BCL2L1: variants seen among roughly 807,000 people sequenced by gnomAD.
BCL2L1 encodes the protein BCL2 like 1.
BCL2L1 carries 1 observed loss-of-function variant against 18.7 expected under a neutral mutation model. The ratio of observed to expected loss-of-function variants is 0.05; its 90% CI spans 0.02 to 0.25. BCL2L1 has a LOEUF of 0.25. BCL2L1 is among the 10% of genes least tolerant of loss of function. The probability of loss-of-function intolerance (pLI) is 1.00; values close to 1 mark genes in which losing one functional copy is unlikely to be tolerated. For missense variants in BCL2L1, 207 were observed against 304.9 expected (o/e 0.68, Z 2.39); for synonymous variants, 103 against 122.7 (o/e 0.84, Z 1.06).
chr20:31,666,099 A>G lies in BCL2L1; in HGVS notation c.565-13T>C. ...CCACAAAAGTATCCTGCAGGGAGAGAGAAGGAAGGTGCAGTTTTAGTCCTC... is the reference window on the plus strand; with the variant it reads ...CCACAAAAGTATCCTGCAGGGAGAGGGAAGGAAGGTGCAGTTTTAGTCCTC... On this transcript the variant is annotated splice_polypyrimidine_tract_variant and intron_variant, in intron 2 of 2. Transcript: ENST00000307677. The G allele has an allele frequency of 6.2e-7, 1 of 1,613,748 alleles. No homozygotes were observed. Among genetic ancestry groups the G allele is most frequent in the Non-Finnish European group, 8.5e-7 (1 of 1,179,830 alleles).
intron 2 of BCL2L1, among the ~76,000 whole-genome samples, chr20:31,683,230 G>A (rs772464875): frequency 2.0e-5 from 3 of 152,128 alleles, no homozygotes; most frequent in Non-Finnish European, 2.9e-5. Context: ...GATCTCCCGT[G>A]CTCTTCCTCA....
intron 2 of BCL2L1, among the ~76,000 whole-genome samples, chr20:31,677,672 A>G (rs2060786004): frequency 6.6e-6 from 1 of 152,104 alleles, no homozygotes; most frequent in South Asian, 2.1e-4. Context: ...GGGTTTTCTC[A>G]GCTTCACCTA....
intron 2 of BCL2L1, among the ~76,000 whole-genome samples, chr20:31,682,908 T>C (rs1568862232): frequency 6.6e-6 from 1 of 152,232 alleles, no homozygotes. Context: ...CTGATGAATC[T>C]GTATTCCAAA....
chr20:31,682,600 C>T (rs1346942441), intron 2 of BCL2L1, among the ~76,000 whole-genome samples: 1 of 152,108 alleles, frequency 6.6e-6, no homozygotes, highest in African/African-American at 2.4e-5. Context: ...TGTGCATCAC[C>T]ATGCCTGGCT....
intron 2 of BCL2L1, among the ~76,000 whole-genome samples, chr20:31,687,363 A>G (rs1419849782): frequency 6.6e-6 from 1 of 151,824 alleles, no homozygotes; most frequent in Non-Finnish European, 1.5e-5. Flanking sequence ...GAACGGAGAA[A>G]ATTCTCGGTC....
chr20:31,665,851 T>C lies in BCL2L1; in HGVS notation c.*98A>G, dbSNP rs1266419496. The C allele has an allele frequency of 2.0e-6, 3 of 1,499,496 alleles. No individual in the cohort carries two copies. The highest frequency in any genetic ancestry group is 1.8e-6 in the Non-Finnish European group (2 of 1,099,740). The allele number at this position is 1,499,496 out of a possible 1,614,324, so 92.9% of individuals were successfully genotyped here. The stretch of plus-strand genomic sequence containing the variant: ...CTGTGATGGGCAGGTGGGCATGGGC[T>C]GCATGTAGTGGTTCTCCTGGTGGCA... On this transcript the variant is annotated 3_prime_UTR_variant, in exon 3 of 3. Coordinates refer to ENST00000307677, the MANE Select transcript of BCL2L1 (RefSeq NM_138578.3).
intron 2 of BCL2L1, among the ~76,000 whole-genome samples, chr20:31,703,158 C>A (rs918558635): frequency 6.6e-6 from 1 of 151,590 alleles, no homozygotes. Context: ...GATTCTCCTG[C>A]CTCAGCCTCC....
chr20:31,672,821 C>G (rs1465248560), intron 2 of BCL2L1, among the ~76,000 whole-genome samples: 1 of 152,126 alleles, frequency 6.6e-6, no homozygotes, highest in Non-Finnish European at 1.5e-5. Context: ...TGAATCTGAT[C>G]TTTTAGTTCC....
intron 2 of BCL2L1, chr20:31,716,658 G>A (rs1314744223): frequency 6.6e-6 from 1 of 152,164 alleles, no homozygotes; most frequent in Non-Finnish European, 1.5e-5. Flanking sequence ...CAGTGCTGAG[G>A]AAACAAGCAT....
intron 2 of BCL2L1, among the ~76,000 whole-genome samples, chr20:31,693,246 T>C (rs2061112976): frequency 6.7e-6 from 1 of 148,366 alleles, no homozygotes; most frequent in African/African-American, 2.5e-5. Context: ...GGTAGGAGGA[T>C]CGCTTGAAGC....
At chr20:31,668,749 C>T (rs1166809223) in intron 2 of BCL2L1, among the ~76,000 whole-genome samples, 2 of 151,786 alleles carry the variant, frequency 1.3e-5, no homozygotes, top group African/African-American at 2.4e-5. Flanking sequence ...GGATTACAGG[C>T]GCGTGCCACC....
chr20:31,712,841 G>A (rs1455724393), intron 2 of BCL2L1, among the ~76,000 whole-genome samples: 2 of 152,108 alleles, frequency 1.3e-5, no homozygotes, highest in East Asian at 1.9e-4. Context: ...AGGATCTGAG[G>A]CATAGTTGAG....
upstream of BCL2L1, chr20:31,723,326 G>T: frequency 2.0e-6 from 2 of 985,666 alleles, no homozygotes; most frequent in Non-Finnish European, 2.4e-6. Flanking sequence ...ACTGGGTGAG[G>T]GTGAGGCGCT....
At chr20:31,704,624 A>C (rs2061342420) in intron 2 of BCL2L1, among the ~76,000 whole-genome samples, 1 of 152,074 alleles carries the variant, frequency 6.6e-6, no homozygotes, top group African/African-American at 2.4e-5. Flanking sequence ...GAGATGGAGG[A>C]AGTGACTCCC....
At chr20:31,699,042 G>A (rs1269793018) in intron 2 of BCL2L1, among the ~76,000 whole-genome samples, 1 of 152,202 alleles carries the variant, frequency 6.6e-6, no homozygotes, top group African/African-American at 2.4e-5. Context: ...TTAGGCAAAG[G>A]AGATCAGAAG....
chr20:31,700,408 C>G (rs981908671), intron 2 of BCL2L1, among the ~76,000 whole-genome samples: 1 of 152,204 alleles, frequency 6.6e-6, no homozygotes, highest in Non-Finnish European at 1.5e-5. Flanking sequence ...TGGGCACGAC[C>G]TATCTATTGG....
rs951060560 is a variant in BCL2L1, at chr20:31,691,446, G to A, written c.565-25360C>T. 2.7e-5 allele frequency among the ~76,000 whole-genome samples: 4 copies of A among 149,100 alleles called. No homozygotes were observed. In the East Asian group the frequency reaches 6.0e-4, roughly 22 times the overall value. ...GGAGAATCATTTGAACCTGGGAGGC[G>A]GAGGTTGCAATGAGCCAAGACCGTG... On this transcript the variant is annotated intron_variant, in intron 2 of 2. Transcript: ENST00000307677.
chr20:31,722,127 T>G lies in BCL2L1; in HGVS notation c.92A>C (p.Glu31Ala). 1 of 1,542,342 alleles carries G rather than the reference T, an allele frequency of 6.5e-7. No homozygotes were observed. The highest frequency in any genetic ancestry group is 8.7e-7 in the Non-Finnish European group (1 of 1,147,872). Residue 31 changes from glutamate to alanine, a missense_variant, in exon 2 of 3, where the codon GAA becomes GCA. Glu to Ala is a moderately radical substitution (Grantham distance 107). Coordinates refer to ENST00000307677, the MANE Select transcript of BCL2L1 (RefSeq NM_138578.3). ...GYSWSQFSDV[E>A]ENRTEAPEGT... ...TTCTGGGGCCTCAGTCCTGTTCTCT[T>G]CCACATCACTAAACTGACTCCAGCT...
At chr20:31,716,914 G>A (rs1184369766) in intron 2 of BCL2L1, 2 of 152,172 alleles carry the variant, frequency 1.3e-5, no homozygotes, top group African/African-American at 4.8e-5. Flanking sequence ...CAGTGGGATT[G>A]CCTGACTCAG....
Sources: allele counts gnomAD v4.1 joint callset (sites outside exome capture counted in the v4.1 genomes callset), GRCh38; gene constraint gnomAD v4.1.1; transcripts MANE v1.5; gene names NCBI Gene and HGNC (gene_info 2026-07-23, HGNC 2026-07-21).